The following SMIM31 variants were observed in gnomAD, a reference collection of about 807,000 sequenced individuals.
SMIM31 encodes the protein small integral membrane protein 31.
chr4:164,787,783 T>C (rs2110953893), intron 2 of SMIM31, among the ~76,000 whole-genome samples: 1 of 152,334 alleles, frequency 6.6e-6, no homozygotes, highest in Non-Finnish European at 1.5e-5. Context: ...CTATTTTTCA[T>C]CCTGTTCTCT....
intron 1 of SMIM31, among the ~76,000 whole-genome samples, chr4:164,759,118 T>C (rs72694075): frequency 0.039 from 5,900 of 152,136 alleles, 202 homozygotes; most frequent in East Asian, 0.16. Context: ...TATCATCTTA[T>C]TAGGATTTTT....
intron 2 of SMIM31, among the ~76,000 whole-genome samples, chr4:164,774,725 ATGAG>A (rs1175124817): frequency 6.6e-6 from 1 of 152,198 alleles, no homozygotes; most frequent in African/African-American, 2.4e-5. Context: ...ATTTTATTAA[ATGAG>A]TAACATAATT....
At chr4:164,758,958 G>A (rs1363934204) in intron 1 of SMIM31, among the ~76,000 whole-genome samples, 6 of 150,882 alleles carry the variant, frequency 4.0e-5, no homozygotes, top group Admixed American at 6.6e-5. Flanking sequence ...ATGAGCCACC[G>A]CGCCCTGCCT....
intron 1 of SMIM31, among the ~76,000 whole-genome samples, chr4:164,757,076 C>A (rs62352410): frequency 0.11 from 17,410 of 152,102 alleles, 1,107 homozygotes; most frequent in African/African-American, 0.16. Flanking sequence ...ATCTTTGCCA[C>A]TCTTAGGGTT....
chr4:164,758,801 A>ATTTTTTTTTT lies in SMIM31; in HGVS notation c.-26+4421_-26+4430dup, dbSNP rs35632469. Among the ~76,000 whole-genome samples, 266 of 60,880 alleles carry ATTTTTTTTTT rather than the reference A, an allele frequency of 4.4e-3. 4 individuals carry two copies. Among genetic ancestry groups the ATTTTTTTTTT allele is most frequent in the Middle Eastern group, 0.019 (1 of 52 alleles). The allele number at this position is 60,880 out of a possible 152,430, so 39.9% of individuals were successfully genotyped here. ...GGCGCCCGCCACCACGCCCGGCCAA[A>ATTTTTTTTTT]TTTTTTTTTTTTTTTTTTTTTTTTT... On this transcript the variant is annotated intron_variant, in intron 1 of 2. Transcript: ENST00000507311.
intron 2 of SMIM31, among the ~76,000 whole-genome samples, chr4:164,800,796 A>G (rs1733273226): frequency 6.6e-6 from 1 of 152,132 alleles, no homozygotes; most frequent in Non-Finnish European, 1.5e-5. Context: ...TCTGCTCATC[A>G]TCTTAATGCC....
chr4:164,783,947 C>T (rs770678946), intron 2 of SMIM31, among the ~76,000 whole-genome samples: 3 of 152,178 alleles, frequency 2.0e-5, no homozygotes, highest in Non-Finnish European at 4.4e-5. Flanking sequence ...CATGACATAA[C>T]ATTTTAAAAA....
At chr4:164,798,476 C>T (rs1047249355) in intron 2 of SMIM31, among the ~76,000 whole-genome samples, 6 of 151,742 alleles carry the variant, frequency 4.0e-5, no homozygotes, top group Admixed American at 3.9e-4. Context: ...CTCCTGACCT[C>T]GTGATCCGCC....
chr4:164,797,073 G>A (rs906551491), intron 2 of SMIM31, among the ~76,000 whole-genome samples: 3 of 152,120 alleles, frequency 2.0e-5, no homozygotes, highest in African/African-American at 7.2e-5. Flanking sequence ...TTGCTTGGAC[G>A]ACTCTTTTAG....
chr4:164,781,772 G>T lies in SMIM31; in HGVS notation c.112+11217G>T, dbSNP rs139263038. On this transcript the variant is annotated intron_variant, in intron 2 of 2. Coordinates refer to ENST00000507311, the MANE Select transcript of SMIM31 (RefSeq NM_001352885.1). ...CAAGCAAAAAGAGCCAACTTCATAAGATTACATAGTGGATGCTTCCACCTA... is the reference window on the plus strand; with the variant it reads ...CAAGCAAAAAGAGCCAACTTCATAATATTACATAGTGGATGCTTCCACCTA... Among the ~76,000 whole-genome samples the T allele has an allele frequency of 4.4e-3, 677 of 152,252 alleles. 1 individual carries two copies. Among genetic ancestry groups the T allele is most frequent in the African/African-American group, 0.016 (657 of 41,546 alleles).
At chr4:164,768,353 C>T (rs914417777) in intron 1 of SMIM31, among the ~76,000 whole-genome samples, 4 of 145,832 alleles carry the variant, frequency 2.7e-5, no homozygotes, top group African/African-American at 1.0e-4. Flanking sequence ...TGCTTGAACC[C>T]GTGAGGCAGA....
At chr4:164,760,087 A>C (rs1732625514) in intron 1 of SMIM31, among the ~76,000 whole-genome samples, 1 of 152,196 alleles carries the variant, frequency 6.6e-6, no homozygotes, top group Non-Finnish European at 1.5e-5. Context: ...GTGAAGGAGC[A>C]AAAGCCAGGA....
intron 1 of SMIM31, among the ~76,000 whole-genome samples, chr4:164,766,094 T>C (rs1341333489): frequency 6.6e-6 from 1 of 151,762 alleles, no homozygotes; most frequent in Non-Finnish European, 1.5e-5. Flanking sequence ...GACAGAAAAA[T>C]AAAGTAACAA....
chr4:164,789,430 C>T (rs1230920609), intron 2 of SMIM31, among the ~76,000 whole-genome samples: 1 of 152,216 alleles, frequency 6.6e-6, no homozygotes, highest in Non-Finnish European at 1.5e-5. Flanking sequence ...CTTGTACTTA[C>T]ATAAAAGTCA....
Position 164,770,405 on chromosome 4 carries a change from T to C in SMIM31, c.-25-14T>C. 1 of 398,982 alleles carries C rather than the reference T, an allele frequency of 2.5e-6. No homozygotes were observed. The highest frequency in any genetic ancestry group is 3.6e-5 in the East Asian group (1 of 28,060). 24.7% of individuals were successfully genotyped at this position (398,982 alleles called of 1,614,324 possible). On this transcript the variant is annotated splice_polypyrimidine_tract_variant and intron_variant, in intron 1 of 2. Coordinates refer to ENST00000507311, the MANE Select transcript of SMIM31 (RefSeq NM_001352885.1). ...ATTAGAGTATGCTGAGCCCATGTTTTATTCCTATTGTAGGTGAAGAAGTTT... is the reference window on the plus strand; with the variant it reads ...ATTAGAGTATGCTGAGCCCATGTTTCATTCCTATTGTAGGTGAAGAAGTTT...
intron 1 of SMIM31, among the ~76,000 whole-genome samples, chr4:164,760,569 A>T (rs79478733): frequency 0.011 from 484 of 42,386 alleles, 3 homozygotes; most frequent in African/African-American, 0.021. Flanking sequence ...CAACTCTACT[A>T]AAAAAAAAAA....
intron 2 of SMIM31, among the ~76,000 whole-genome samples, chr4:164,778,839 C>T (rs1315675565): frequency 6.6e-6 from 1 of 152,118 alleles, no homozygotes; most frequent in East Asian, 1.9e-4. Flanking sequence ...GCCAAGTTAA[C>T]CCTCATATCT....
At chr4:164,767,877 T>C (rs1732740058) in intron 1 of SMIM31, among the ~76,000 whole-genome samples, 1 of 152,102 alleles carries the variant, frequency 6.6e-6, no homozygotes, top group Non-Finnish European at 1.5e-5. Context: ...TACTGACAAT[T>C]CAAAGACCAT....
intron 2 of SMIM31, among the ~76,000 whole-genome samples, chr4:164,774,666 T>C (rs1732857415): frequency 6.6e-6 from 1 of 152,178 alleles, no homozygotes; most frequent in African/African-American, 2.4e-5. Flanking sequence ...CATCAACATC[T>C]CATCCATTAT....
Sources: gnomAD v4.1 joint callset for allele counts (sites outside exome capture counted in the v4.1 genomes callset) on GRCh38, gnomAD v4.1.1 for gene constraint, MANE v1.5 for transcripts, NCBI Gene and HGNC (gene_info 2026-07-23, HGNC 2026-07-21) for gene names.